SCAI: variants seen among roughly 807,000 people sequenced by gnomAD.
The protein encoded by SCAI is protein SCAI.
Under a neutral mutation model 92.2 loss-of-function variants are expected in SCAI, and 24 were observed. The ratio of observed to expected loss-of-function variants is 0.26; its 90% confidence interval spans 0.19 to 0.37. SCAI has a LOEUF of 0.37. Among genes scored for constraint, SCAI ranks in the 10% least tolerant of loss-of-function variants. The probability of loss-of-function intolerance (pLI) is 1.00; values close to 1 mark genes in which losing one functional copy is unlikely to be tolerated. For missense variants in SCAI, 450 were observed against 736.2 expected, an observed-to-expected ratio of 0.61 and a Z score of 4.50; for synonymous variants, 261 against 258.6, an observed-to-expected ratio of 1.01 and a Z score of -0.09.
chr9:124,997,949 AT>A (rs1564371647), intron 13 of SCAI, among the ~76,000 whole-genome samples: 2 of 151,434 alleles, frequency 1.3e-5, no homozygotes, highest in Non-Finnish European at 2.9e-5. Context: ...TTGCTTTTGT[AT>A]TTTTTGCATT....
intron 4 of SCAI, 117 bp from the exon 5 acceptor site, chr9:125,028,595 C>A: frequency 2.2e-6 from 1 of 450,520 alleles, no homozygotes; most frequent in Non-Finnish European, 3.9e-6. Context: ...ATGAATTTTT[C>A]ATTAGATTTC....
intron 9 of SCAI, among the ~76,000 whole-genome samples, chr9:125,014,444 GAATAA>G (rs1832706811): frequency 6.6e-6 from 1 of 152,126 alleles, no homozygotes; most frequent in Admixed American, 6.5e-5. Context: ...GCTTCAAAGA[GAATAA>G]AATACCTAAG....
At chr9:125,075,918 G>A (rs574891719) in intron 2 of SCAI, among the ~76,000 whole-genome samples, 203 of 152,020 alleles carry the variant, frequency 1.3e-3, no homozygotes, top group Admixed American at 2.9e-3. Context: ...GGCTGGTCTC[G>A]AACTCCTGAC....
At chr9:124,960,964 A>C (rs547312733) in intron 17 of SCAI, among the ~76,000 whole-genome samples, 2 of 152,184 alleles carry the variant, frequency 1.3e-5, no homozygotes, top group South Asian at 4.2e-4. Context: ...AAAAAAATTT[A>C]AAAATTAGCT....
At chr9:125,024,220 A>ATGTT (rs1181079452) in intron 6 of SCAI, among the ~76,000 whole-genome samples, 123 of 152,044 alleles carry the variant, frequency 8.1e-4, no homozygotes, top group Middle Eastern at 6.8e-3. Flanking sequence ...AAGTGGTGAC[A>ATGTT]GTATCAAGTT....
At chr9:125,138,620 T>C (rs142008188) in intron 2 of SCAI, among the ~76,000 whole-genome samples, 6,202 of 152,220 alleles carry the variant, frequency 0.041, 181 homozygotes, top group Non-Finnish European at 0.063. Context: ...TTCACTGTGT[T>C]AGCCAGGATG....
At chr9:125,010,668 T>G (rs1466465208) in intron 9 of SCAI, among the ~76,000 whole-genome samples, 1 of 152,184 alleles carries the variant, frequency 6.6e-6, no homozygotes, top group East Asian at 1.9e-4. Context: ...CTGACAGCTT[T>G]GAAGACAGCA....
At chr9:124,959,105 G>A (rs1831380708) in intron 17 of SCAI, among the ~76,000 whole-genome samples, 1 of 151,430 alleles carries the variant, frequency 6.6e-6, no homozygotes, top group Admixed American at 6.6e-5. Flanking sequence ...CTGTGTCCAT[G>A]TGTTCTCATT....
intron 3 of SCAI, among the ~76,000 whole-genome samples, chr9:125,041,786 A>G (rs948235922): frequency 1.3e-5 from 2 of 152,220 alleles, no homozygotes; most frequent in Non-Finnish European, 2.9e-5. Flanking sequence ...AATTTAGAAC[A>G]TCTACTATTC....
rs760519822 is a variant in SCAI at position 125,018,925 on chromosome 9, A to G, written c.735T>C (p.Asp245=). Residue 245 remains aspartate (D), a synonymous_variant, in exon 9 of 18, where the codon GAT becomes GAC. Transcript: ENST00000336505. ...IEADPVMVLN[D]DNTIVITSNR... The stretch of plus-strand genomic sequence containing the variant: ...TCGATGTGATAACAATGGTATTATC[A>G]TCATTTAATACCATTACAGGATCCG... The G allele has an allele frequency of 7.4e-6, 12 of 1,613,830 alleles. No individual in the cohort carries two copies. Among genetic ancestry groups the G allele is most frequent in the South Asian group, 1.1e-5 (1 of 90,994 alleles).
intron 2 of SCAI, among the ~76,000 whole-genome samples, chr9:125,106,115 AAAAAAAAATATATAT>A (rs1834777955): frequency 1.6e-5 from 1 of 63,054 alleles, no homozygotes; most frequent in South Asian, 5.6e-4. Context: ...AAAAAAAAAA[AAAAAAAAATATATAT>A]ATATATATAT....
chr9:125,133,538 C>A (rs1269911492), intron 2 of SCAI, among the ~76,000 whole-genome samples: 2 of 152,108 alleles, frequency 1.3e-5, no homozygotes, highest in Non-Finnish European at 2.9e-5. Flanking sequence ...CAAATTAGCA[C>A]ATGAAAAGAT....
intron 10 of SCAI, 90 bp downstream of exon 10, chr9:125,003,377 AAG>A: frequency 9.6e-7 from 1 of 1,036,718 alleles, no homozygotes; most frequent in Non-Finnish European, 1.5e-6. Flanking sequence ...TTCTTTATTC[AAG>A]GCTGTAGTAT....
intron 9 of SCAI, among the ~76,000 whole-genome samples, chr9:125,013,085 C>T (rs1463601852): frequency 6.6e-6 from 1 of 151,960 alleles, no homozygotes; most frequent in Non-Finnish European, 1.5e-5. Context: ...CAAGAAAGAT[C>T]CAAAATTGAC....
Position 124,994,970 on chromosome 9 carries a change from G to T in SCAI, c.1290C>A (p.Phe430Leu). 1 of 1,612,944 alleles carries T rather than the reference G, an allele frequency of 6.2e-7. No individual in the cohort carries two copies. Among genetic ancestry groups the T allele is most frequent in the South Asian group, 1.1e-5 (1 of 90,548 alleles). ...DLYPFTRKPLFIIVDSSNSVA... is the reference protein window; with the variant it reads ...DLYPFTRKPLLIIVDSSNSVA... ...CACTATTAGACGAATCCACAATGAT[G>T]AACAGTGGCTTCCTGGTGAAAGGAT... Residue 430 changes from phenylalanine to leucine, a missense_variant, in exon 14 of 18, where the codon TTC becomes TTA. Physicochemically the swap from Phe to Leu is conservative, Grantham distance 22. Transcript: ENST00000336505.
intron 6 of SCAI, among the ~76,000 whole-genome samples, chr9:125,021,326 G>C (rs541233015): frequency 9.9e-5 from 15 of 152,102 alleles, no homozygotes; most frequent in African/African-American, 3.4e-4. Flanking sequence ...TTATTGCTTT[G>C]GCTAGGTTTA....
chr9:125,122,357 G>A (rs928042331), intron 2 of SCAI, among the ~76,000 whole-genome samples: 50 of 152,174 alleles, frequency 3.3e-4, no homozygotes, highest in South Asian at 4.2e-4. Context: ...TTGGGAGGTC[G>A]AGGCGGGTGG....
chr9:125,108,042 C>G (rs1301625191), intron 2 of SCAI, among the ~76,000 whole-genome samples: 1 of 102,998 alleles, frequency 9.7e-6, no homozygotes, highest in Non-Finnish European at 2.2e-5. Context: ...CTGTGTTGGC[C>G]GGGCTGGTCT....
At chr9:125,128,603 A>G (rs916442233) in intron 2 of SCAI, among the ~76,000 whole-genome samples, 1 of 151,864 alleles carries the variant, frequency 6.6e-6, no homozygotes, top group Non-Finnish European at 1.5e-5. Flanking sequence ...AATACAAAAA[A>G]TTAGCCGGGT....
Sources: gnomAD v4.1 joint callset for allele counts (sites outside exome capture counted in the v4.1 genomes callset) on GRCh38, gnomAD v4.1.1 for gene constraint, MANE v1.5 for transcripts, NCBI Gene and HGNC (gene_info 2026-07-23, HGNC 2026-07-21) for gene names.